Variants in GABRB3 observed in about 807,000 individuals in gnomAD.
GABRB3 encodes the protein gamma-aminobutyric acid type A receptor subunit beta3, also known as gamma-aminobutyric acid receptor subunit beta-3.
In GABRB3, 14 loss-of-function variants were observed where a neutral mutation model predicts 52.1. The observed-to-expected ratio is 0.27, with a 90% CI of 0.18 to 0.42. The LOEUF (loss-of-function observed/expected upper bound fraction) is 0.42. Ranked by LOEUF, GABRB3 falls within the 10% of genes least tolerant of loss-of-function variation. The probability of loss-of-function intolerance (pLI) is 1.00; values close to 1 mark genes in which losing one functional copy is unlikely to be tolerated. For missense variants in GABRB3, 307 were observed against 609.1 expected, an observed-to-expected ratio of 0.50 and a Z score of 5.22; for synonymous variants, 260 against 232.3, an observed-to-expected ratio of 1.12 and a Z score of -1.08.
At chr15:26,740,436 C>T (rs941734230) in intron 3 of GABRB3, among the ~76,000 whole-genome samples, 7 of 151,956 alleles carry the variant, frequency 4.6e-5, no homozygotes, top group African/African-American at 1.5e-4. Context: ...ATGACAAGGA[C>T]GCTGCAGTGA....
intron 7 of GABRB3, among the ~76,000 whole-genome samples, chr15:26,562,387 C>T (rs1567107851): frequency 1.3e-5 from 2 of 152,164 alleles, no homozygotes; most frequent in Non-Finnish European, 2.9e-5. Context: ...TAGGTTCCTC[C>T]GCATTGCTTT....
chr15:26,636,440 C>A (rs1185770120), intron 3 of GABRB3, among the ~76,000 whole-genome samples: 1 of 152,026 alleles, frequency 6.6e-6, no homozygotes, highest in East Asian at 1.9e-4. Flanking sequence ...TTCTTTGCTA[C>A]TCCCTCCAAT....
chr15:26,680,336 G>A (rs939050192), intron 3 of GABRB3, among the ~76,000 whole-genome samples: 1 of 152,192 alleles, frequency 6.6e-6, no homozygotes, highest in African/African-American at 2.4e-5. Context: ...CTCTGGAGAA[G>A]GCTGACAGGC....
intron 3 of GABRB3, among the ~76,000 whole-genome samples, chr15:26,674,194 T>C (rs1339959327): frequency 6.7e-6 from 1 of 150,204 alleles, no homozygotes; most frequent in Non-Finnish European, 1.5e-5. Context: ...CCGAGGTCAG[T>C]AGTTTGAGAC....
At chr15:26,729,556 G>A (rs1889855818) in intron 3 of GABRB3, among the ~76,000 whole-genome samples, 1 of 152,184 alleles carries the variant, frequency 6.6e-6, no homozygotes, top group African/African-American at 2.4e-5. Flanking sequence ...AAGTTAATCT[G>A]GGTATTTCTA....
intron 8 of GABRB3, among the ~76,000 whole-genome samples, chr15:26,560,474 G>C (rs1181913429): frequency 6.6e-6 from 1 of 152,136 alleles, no homozygotes; most frequent in Non-Finnish European, 1.5e-5. Context: ...TTCTCAATAG[G>C]CTGCCCATCC....
chr15:26,548,247 G>A lies in GABRB3; in HGVS notation c.1081-113C>T, dbSNP rs879154677. 4.2e-5 allele frequency: 36 copies of A among 863,530 alleles called. No homozygotes were observed. The African/African-American group carries it at 5.1e-4, about 12-fold the overall frequency. 53.5% of individuals were successfully genotyped at this position (863,530 alleles called of 1,614,324 possible). A position where few individuals can be genotyped will look rare whatever the true frequency, so the allele number is the denominator to read the frequency against. ...CATGTTGCATGTTTTACGAGAAACT[G>A]TACATCTGTCAAATCCAGCACTCCG... On this transcript the variant is annotated intron_variant, in intron 8 of 8. Coordinates refer to ENST00000311550, the MANE Select transcript of GABRB3 (RefSeq NM_000814.6).
At chr15:26,757,543 G>A (rs925449579) in intron 3 of GABRB3, among the ~76,000 whole-genome samples, 1 of 152,124 alleles carries the variant, frequency 6.6e-6, no homozygotes, top group Non-Finnish European at 1.5e-5. Context: ...TTATGTCACT[G>A]GACATTTCAT....
At chr15:26,594,861 C>T (rs923798916) in intron 4 of GABRB3, among the ~76,000 whole-genome samples, 7 of 152,206 alleles carry the variant, frequency 4.6e-5, no homozygotes, top group South Asian at 2.1e-4. Context: ...CTGAAACAAA[C>T]GAAGAAAAAA....
chr15:26,698,680 T>C (rs866567376), intron 3 of GABRB3, among the ~76,000 whole-genome samples: 14 of 152,118 alleles, frequency 9.2e-5, no homozygotes, highest in African/African-American at 2.7e-4. Context: ...AGATGAGCGA[T>C]ATTTATGGGG....
intron 4 of GABRB3, among the ~76,000 whole-genome samples, chr15:26,594,983 T>C (rs1891344504): frequency 6.6e-6 from 1 of 152,178 alleles, no homozygotes; most frequent in Non-Finnish European, 1.5e-5. Flanking sequence ...AAATTGGAGG[T>C]TCCTTAGGAC....
intron 4 of GABRB3, among the ~76,000 whole-genome samples, chr15:26,601,652 G>C (rs916303383): frequency 6.6e-6 from 1 of 152,114 alleles, no homozygotes; most frequent in African/African-American, 2.4e-5. Context: ...ATTTTCAACT[G>C]TTTTGTTTGT....
chr15:26,625,100 G>T, intron 3 of GABRB3: 1 of 350,684 alleles, frequency 2.9e-6, no homozygotes, highest in Non-Finnish European at 4.0e-6. Context: ...CTAGTAACCC[G>T]GGATAGTGGA....
At chr15:26,625,796 G>T (rs976886526) in intron 3 of GABRB3, among the ~76,000 whole-genome samples, 2 of 152,138 alleles carry the variant, frequency 1.3e-5, no homozygotes, top group African/African-American at 4.8e-5. Flanking sequence ...TGGCTGACAA[G>T]GGGCTGGGGA....
At chr15:26,713,444 C>T (rs914497457) in intron 3 of GABRB3, among the ~76,000 whole-genome samples, 1 of 152,028 alleles carries the variant, frequency 6.6e-6, no homozygotes, top group Non-Finnish European at 1.5e-5. Flanking sequence ...AGCTCAGTCG[C>T]CTGGTGCCAT....
chr15:26,669,373 T>C (rs553732615), intron 3 of GABRB3, among the ~76,000 whole-genome samples: 2 of 152,340 alleles, frequency 1.3e-5, no homozygotes, highest in Admixed American at 6.5e-5. Flanking sequence ...TATTGGGGAT[T>C]ATGCTGGTAT....
intron 3 of GABRB3, among the ~76,000 whole-genome samples, chr15:26,743,077 G>A (rs1167156399): frequency 3.3e-5 from 5 of 151,776 alleles, no homozygotes; most frequent in African/African-American, 4.8e-5. Context: ...TTACAGGCAC[G>A]CACCAACACG....
At chr15:26,719,914 A>ATAT (rs1445946858) in intron 3 of GABRB3, among the ~76,000 whole-genome samples, 1 of 152,218 alleles carries the variant, frequency 6.6e-6, no homozygotes, top group African/African-American at 2.4e-5. Flanking sequence ...CTAAGCCATC[A>ATAT]TATCCCCTGT....
chr15:26,748,875 A>G (rs1890423340), intron 3 of GABRB3, among the ~76,000 whole-genome samples: 1 of 152,028 alleles, frequency 6.6e-6, no homozygotes, highest in Non-Finnish European at 1.5e-5. Context: ...AAAATACAAA[A>G]TTTAGCCAGG....
Sources: allele counts gnomAD v4.1 joint callset (sites outside exome capture counted in the v4.1 genomes callset), GRCh38; gene constraint gnomAD v4.1.1; transcripts MANE v1.5; gene names NCBI Gene and HGNC (gene_info 2026-07-23, HGNC 2026-07-21).